Variants in PCLO observed in about 807,000 individuals in gnomAD.
PCLO encodes protein piccolo.
A neutral mutation model predicts 427.5 loss-of-function variants in PCLO; 82 were observed. The observed-to-expected ratio is 0.19, with a 90% CI of 0.16 to 0.23. The LOEUF (loss-of-function observed/expected upper bound fraction) is 0.23, where lower values mean the gene tolerates loss of function less well. Ranked by LOEUF, PCLO falls within the 10% of genes least tolerant of loss-of-function variation. The pLI is 1.00. For missense variants in PCLO, 6,239 were observed against 6,115.9 expected, an observed-to-expected ratio of 1.02 and a Z score of -0.67; for synonymous variants, 2,357 against 2,155.4, an observed-to-expected ratio of 1.09 and a Z score of -2.59.
intron 3 of PCLO, among the ~76,000 whole-genome samples, chr7:83,048,082 G>C (rs1562937873): frequency 6.6e-6 from 1 of 151,904 alleles, no homozygotes; most frequent in Admixed American, 6.6e-5. Flanking sequence ...ACTTTGCTGG[G>C]ATTTATAATC....
At chr7:83,141,009 T>C (rs1277677943) in intron 2 of PCLO, among the ~76,000 whole-genome samples, 1 of 152,208 alleles carries the variant, frequency 6.6e-6, no homozygotes, top group Non-Finnish European at 1.5e-5. Context: ...TTCCTCCCCA[T>C]GCCTGATTCA....
chr7:82,845,377 C>A lies in PCLO; in HGVS notation c.13940G>T (p.Gly4647Val). 1 of 1,613,312 alleles carries A rather than the reference C, an allele frequency of 6.2e-7. No individual in the cohort carries two copies. The highest frequency in any genetic ancestry group is 8.5e-7 in the Non-Finnish European group (1 of 1,179,586). The part of the protein sequence containing the change: ...PLVLSSVVEK[G>V]SHVHSGPTSA... ...TGTAGGACCTGAATGAACATGAGAT[C>A]CTTTTTCAACAACTGATGACAGAAC... The change falls in exon 13 of 25, where the codon GGA (glycine) becomes GTA (valine). Residue 4647 changes from glycine (G) to valine (V), a missense_variant. Gly to Val is a moderately radical substitution (Grantham distance 109). Around this residue, in one of 5 missense-constraint regions of PCLO, gnomAD observed 877 missense variants for 925.5 expected, o/e 0.95. Coordinates refer to ENST00000333891, the MANE Select transcript of PCLO (RefSeq NM_033026.6).
At chr7:83,078,616 C>T (rs1790016201) in intron 3 of PCLO, among the ~76,000 whole-genome samples, 1 of 151,900 alleles carries the variant, frequency 6.6e-6, no homozygotes, top group African/African-American at 2.4e-5. Context: ...ACTGCAACCT[C>T]CACCTCCCGG....
chr7:82,982,065 A>T (rs1796158450), intron 3 of PCLO, among the ~76,000 whole-genome samples: 1 of 152,126 alleles, frequency 6.6e-6, no homozygotes, highest in Admixed American at 6.6e-5. Context: ...CTACTGCAGG[A>T]ATCTTTATTC....
intron 22 of PCLO, among the ~76,000 whole-genome samples, chr7:82,789,716 G>C (rs2129468371): frequency 1.3e-5 from 2 of 152,194 alleles, no homozygotes; most frequent in East Asian, 3.9e-4. Flanking sequence ...AAAAAAGAGA[G>C]CAAAATGCAA....
rs556170285 is a variant in PCLO, at chr7:83,020,486, C to T, written c.3301-53999G>A. Reference sequence around the variant, plus strand: ...TGCCTTAGAAAAGAGCTGGAAGGAACTAGCTTACATCACTTTTACTCTCCC... The same window carrying T: ...TGCCTTAGAAAAGAGCTGGAAGGAATTAGCTTACATCACTTTTACTCTCCC... On this transcript the variant is annotated intron_variant, in intron 3 of 24. Transcript: ENST00000333891. Among the ~76,000 whole-genome samples, 177 of 149,938 alleles carry T rather than the reference C, an allele frequency of 1.2e-3. 1 individual carries two copies. The highest frequency in any genetic ancestry group is 4.1e-3 in the African/African-American group (168 of 41,218).
chr7:83,065,056 CAAAAA>C (rs61255338), intron 3 of PCLO, among the ~76,000 whole-genome samples: 1 of 140,128 alleles, frequency 7.1e-6, no homozygotes. Context: ...GCTTGGGTTC[CAAAAA>C]AAAAAAAAAA....
At chr7:83,005,656 G>A (rs1357560206) in intron 3 of PCLO, among the ~76,000 whole-genome samples, 2 of 151,544 alleles carry the variant, frequency 1.3e-5, no homozygotes, top group East Asian at 1.9e-4. Context: ...TATCTGCTTG[G>A]CTGCAGCAGT....
At chr7:83,147,780 G>C (rs370589743) in intron 2 of PCLO, among the ~76,000 whole-genome samples, 1 of 152,062 alleles carries the variant, frequency 6.6e-6, no homozygotes, top group East Asian at 1.9e-4. Flanking sequence ...TAAAAAAATA[G>C]TGCATAAATG....
intron 8 of PCLO, among the ~76,000 whole-genome samples, chr7:82,907,179 G>C (rs1794212473): frequency 6.6e-6 from 1 of 151,950 alleles, no homozygotes; most frequent in African/African-American, 2.4e-5. Flanking sequence ...AGGTGGAAAA[G>C]ACTATTCTCA....
At chr7:82,852,745 T>C (rs1792697576) in intron 10 of PCLO, among the ~76,000 whole-genome samples, 1 of 152,158 alleles carries the variant, frequency 6.6e-6, no homozygotes, top group South Asian at 2.1e-4. Context: ...GTGCTATCTC[T>C]CTAGAGAACC....
At chr7:82,908,596 T>C (rs1794247834) in intron 8 of PCLO, among the ~76,000 whole-genome samples, 2 of 152,070 alleles carry the variant, frequency 1.3e-5, no homozygotes, top group South Asian at 4.1e-4. Context: ...GCTCCATCTA[T>C]TCTTCTTGTA....
At chr7:83,114,918 CTAT>C (rs1202414140) in intron 3 of PCLO, among the ~76,000 whole-genome samples, 1 of 151,942 alleles carries the variant, frequency 6.6e-6, no homozygotes, top group Non-Finnish European at 1.5e-5. Flanking sequence ...TCTTTCAAGT[CTAT>C]TATTAAGGGT....
intron 22 of PCLO, among the ~76,000 whole-genome samples, chr7:82,775,779 C>A (rs190954741): frequency 6.6e-6 from 1 of 152,174 alleles, no homozygotes; most frequent in Admixed American, 6.5e-5. Flanking sequence ...ATTATCCCCC[C>A]AAATTGTCTA....
In PCLO at chr7:82,950,803, G is replaced by A. The variant is rs1255254741; in HGVS notation, c.9785C>T (p.Ser3262Phe). The A allele has an allele frequency of 6.2e-6, 10 of 1,613,668 alleles. No homozygotes were observed. Among genetic ancestry groups the A allele is most frequent in the Non-Finnish European group, 8.5e-6 (10 of 1,179,842 alleles). ...MVQKKLEELQ[S>F]MKQHLLFQQE... ...CTGAAAGAGAAGGTGTTGCTTCATA[G>A]ACTGCAGCTCCTCCAACTTTTTCTG... is the stretch of plus-strand genomic sequence containing the variant. Residue 3262 changes from serine (S) to phenylalanine (F), a missense_variant, in exon 6 of 25, where the codon TCT becomes TTT. Ser to Phe is a radical substitution (Grantham distance 155). This residue lies in a region of PCLO where 4,677 missense variants were observed against 4,468.4 expected (regional missense o/e 1.05). Coordinates refer to ENST00000333891, the MANE Select transcript of PCLO (RefSeq NM_033026.6).
At chr7:82,845,550 ATG>A in intron 12 of PCLO, 65 bp from the exon 13 acceptor site, 1 of 1,088,218 alleles carries the variant, frequency 9.2e-7, no homozygotes, top group South Asian at 1.3e-5. Flanking sequence ...CCATGGAACT[ATG>A]TGAGTTCTAG....
At chr7:82,869,399 T>G (rs1295010300) in intron 10 of PCLO, among the ~76,000 whole-genome samples, 1 of 152,096 alleles carries the variant, frequency 6.6e-6, no homozygotes. Flanking sequence ...CATGATTATA[T>G]GTCTAATTTT....
At position 83,125,325 on chromosome 7, in the gene PCLO, C is replaced by T. The variant is rs533783590; in HGVS notation, c.3300+8925G>A. On this transcript the variant is annotated intron_variant, in intron 3 of 24. Coordinates refer to ENST00000333891, the MANE Select transcript of PCLO (RefSeq NM_033026.6). ...CTGGAAGGTGGGGGGCACCCCCGCC[C>T]GGCAGCCGCCCCATCTGGGAAGTGG... Among the ~76,000 whole-genome samples, 190 of 152,146 alleles carry T rather than the reference C, an allele frequency of 1.2e-3. 5 individuals are homozygous for T. The Middle Eastern group carries it at 0.048, about 38-fold the overall frequency.
intron 11 of PCLO, 58 bp from the exon 12 acceptor site, chr7:82,846,692 C>G (rs1406553152): frequency 2.5e-5 from 29 of 1,179,522 alleles, no homozygotes; most frequent in Non-Finnish European, 3.5e-5. Context: ...ACAAAGAGCA[C>G]TTTTTTCCAA....
Sources: allele counts gnomAD v4.1 joint callset (sites outside exome capture counted in the v4.1 genomes callset), GRCh38; gene constraint gnomAD v4.1.1; regional missense constraint gnomAD v4.1.1; transcripts MANE v1.5; gene names NCBI Gene and HGNC (gene_info 2026-07-23, HGNC 2026-07-21).